TRIO: variants seen among roughly 807,000 people sequenced by gnomAD.
TRIO encodes the protein triple functional domain protein.
TRIO carries 58 observed loss-of-function variants against 351.9 expected under a neutral mutation model. The ratio of observed to expected loss-of-function variants is 0.16; its 90% CI spans 0.13 to 0.21. TRIO has a LOEUF of 0.21. Among genes scored for constraint, TRIO ranks in the 10% least tolerant of loss-of-function variants. The probability of loss-of-function intolerance (pLI) is 1.00; values close to 1 mark genes in which losing one functional copy is unlikely to be tolerated. For synonymous variants in TRIO, 1,758 were observed against 1,595.7 expected (o/e 1.10, Z -2.42); for missense variants, 3,201 against 4,027.8 (o/e 0.79, Z 5.56).
intron 55 of TRIO, 107 bp downstream of exon 55, chr5:14,504,700 A>G (rs1357360255): frequency 4.4e-6 from 6 of 1,376,770 alleles, no homozygotes; most frequent in Non-Finnish European, 6.0e-6. Context: ...GGTTTGTAGA[A>G]TTTACAGAAC....
intron 1 of TRIO, among the ~76,000 whole-genome samples, chr5:14,225,799 C>A (rs1021973413): frequency 8.9e-5 from 12 of 135,316 alleles, no homozygotes; most frequent in Middle Eastern, 7.1e-3. Flanking sequence ...CCCACCCCCC[C>A]CCCCACCTCC....
chr5:14,465,838 A>G, intron 37 of TRIO, 198 bp downstream of exon 37: 3 of 605,188 alleles, frequency 5.0e-6, no homozygotes, highest in South Asian at 3.8e-5. Flanking sequence ...CATTATTCCC[A>G]CATTTGCAGT....
At chr5:14,262,116 C>T (rs1299948169) in intron 1 of TRIO, among the ~76,000 whole-genome samples, 2 of 152,234 alleles carry the variant, frequency 1.3e-5, no homozygotes, top group Non-Finnish European at 1.5e-5. Flanking sequence ...GCAGTCTGCT[C>T]AGTGAGACTG....
intron 32 of TRIO, 158 bp downstream of exon 32, chr5:14,406,148 T>A: frequency 9.0e-7 from 1 of 1,105,460 alleles, no homozygotes; most frequent in Non-Finnish European, 1.3e-6. Flanking sequence ...GTAATGAAAC[T>A]GCTTTGTCAG....
intron 21 of TRIO, among the ~76,000 whole-genome samples, chr5:14,382,694 T>C (rs748556314): frequency 6.6e-6 from 1 of 152,254 alleles, no homozygotes; most frequent in Admixed American, 6.5e-5. Flanking sequence ...TTTGTTAATA[T>C]TTAGATATTA....
chr5:14,475,216 T>G (rs1259448863), intron 40 of TRIO, among the ~76,000 whole-genome samples: 3 of 152,152 alleles, frequency 2.0e-5, no homozygotes, highest in Non-Finnish European at 2.9e-5. Flanking sequence ...TCCAGTGGAA[T>G]GTTCCAGATG....
chr5:14,362,197 A>G (rs1322048157), intron 13 of TRIO, among the ~76,000 whole-genome samples: 1 of 152,250 alleles, frequency 6.6e-6, no homozygotes, highest in Non-Finnish European at 1.5e-5. Flanking sequence ...CCACAGATTC[A>G]GCATGATTTT....
intron 10 of TRIO, among the ~76,000 whole-genome samples, chr5:14,335,523 G>A (rs759573924): frequency 3.3e-5 from 5 of 152,150 alleles, no homozygotes; most frequent in East Asian, 1.9e-4. Flanking sequence ...CAGGGCTCTC[G>A]CATGCCTTCC....
chr5:14,385,999 T>C (rs1323700687), intron 21 of TRIO, among the ~76,000 whole-genome samples: 8 of 152,168 alleles, frequency 5.3e-5, no homozygotes, highest in Admixed American at 1.3e-4. Flanking sequence ...CAAGCAAAGA[T>C]TTCTGGGCTG....
At chr5:14,262,431 C>A (rs1488844334) in intron 1 of TRIO, among the ~76,000 whole-genome samples, 1 of 151,890 alleles carries the variant, frequency 6.6e-6, no homozygotes. Context: ...TAATGATGAA[C>A]CAATGAGGTT....
chr5:14,483,898 T>A (rs1425184013), intron 46 of TRIO, among the ~76,000 whole-genome samples: 1 of 152,124 alleles, frequency 6.6e-6, no homozygotes, highest in African/African-American at 2.4e-5. Context: ...AGCCATCATC[T>A]GAACTGTGCA....
At chr5:14,272,727 T>C (rs927384982) in intron 2 of TRIO, among the ~76,000 whole-genome samples, 1 of 152,232 alleles carries the variant, frequency 6.6e-6, no homozygotes, top group African/African-American at 2.4e-5. Context: ...ACCTCACTTT[T>C]ACAGTATTCC....
intron 41 of TRIO, chr5:14,477,289 G>A (rs113037818): frequency 0.019 from 4,098 of 218,132 alleles, 172 homozygotes; most frequent in African/African-American, 0.085. Context: ...ACCTGCAGTG[G>A]GTTTAACATA....
At chr5:14,264,996 T>A (rs1050008340) in intron 1 of TRIO, among the ~76,000 whole-genome samples, 1 of 152,218 alleles carries the variant, frequency 6.6e-6, no homozygotes, top group East Asian at 1.9e-4. Flanking sequence ...TATTTAACCT[T>A]CTTTTTCTGG....
chr5:14,204,947 G>A (rs1459563365), intron 1 of TRIO, among the ~76,000 whole-genome samples: 1 of 152,200 alleles, frequency 6.6e-6, no homozygotes, highest in East Asian at 1.9e-4. Context: ...AGTCAGGGGT[G>A]TTTCTAGCCG....
At chr5:14,480,970 T>TA (rs904592920) in intron 43 of TRIO, among the ~76,000 whole-genome samples, 34 of 148,498 alleles carry the variant, frequency 2.3e-4, no homozygotes, top group South Asian at 6.4e-4. Context: ...CTTGTCTATT[T>TA]AAAAAAAAAA....
At chr5:14,264,314 G>A (rs1041871353) in intron 1 of TRIO, among the ~76,000 whole-genome samples, 3 of 151,850 alleles carry the variant, frequency 2.0e-5, no homozygotes, top group South Asian at 2.1e-4. Flanking sequence ...TTTCTTTGAG[G>A]TATGCTGTTA....
rs62345054 is a variant in TRIO at position 14,436,700 on chromosome 5, G to T, written c.5203+16679G>T. 4.6e-5 allele frequency among the ~76,000 whole-genome samples: 7 copies of T among 152,282 alleles called. No individual in the cohort carries two copies. In the East Asian group the frequency reaches 7.7e-4, roughly 17 times the overall value. ...GGAAGAAATTGGCCAAAACAAAGGGGCTACAGACCCCATGCAAGTCTGAAA... is the reference window on the plus strand; with the variant it reads ...GGAAGAAATTGGCCAAAACAAAGGGTCTACAGACCCCATGCAAGTCTGAAA... On this transcript the variant is annotated intron_variant, in intron 34 of 56. Transcript: ENST00000344204.
chr5:14,348,422 T>G (rs1388887961), intron 11 of TRIO, among the ~76,000 whole-genome samples: 2 of 152,270 alleles, frequency 1.3e-5, no homozygotes, highest in Non-Finnish European at 2.9e-5. Context: ...GTTCTATTTA[T>G]TTCTACTAAA....
Sources: allele counts gnomAD v4.1 joint callset (sites outside exome capture counted in the v4.1 genomes callset), GRCh38; gene constraint gnomAD v4.1.1; transcripts MANE v1.5; gene names NCBI Gene and HGNC (gene_info 2026-07-23, HGNC 2026-07-21).